The following BCL2L13 variants were observed in gnomAD, a reference collection of about 807,000 sequenced individuals.
BCL2L13 encodes the protein BCL2 like 13.
Under a neutral mutation model 25.8 loss-of-function variants are expected in BCL2L13, and 13 were observed. The ratio of observed to expected loss-of-function variants is 0.50; its 90% confidence interval spans 0.33 to 0.80. The LOEUF is 0.80. Among genes scored for constraint, BCL2L13 ranks in the 30% least tolerant of loss-of-function variants. The probability of loss-of-function intolerance (pLI) is 0.02; values close to 1 mark genes in which losing one functional copy is unlikely to be tolerated. For missense variants in BCL2L13, 504 were observed against 574.9 expected, an observed-to-expected ratio of 0.88 and a Z score of 1.26; for synonymous variants, 244 against 230.3, an observed-to-expected ratio of 1.06 and a Z score of -0.54.
intron 6 of BCL2L13, among the ~76,000 whole-genome samples, chr22:17,714,598 G>C (rs531037965): frequency 6.6e-6 from 1 of 152,148 alleles, no homozygotes; most frequent in Non-Finnish European, 1.5e-5. Flanking sequence ...AGCTTGGGGG[G>C]ACCATGACTC....
At chr22:17,639,765 C>T (rs1180080082) in intron 1 of BCL2L13, among the ~76,000 whole-genome samples, 1 of 152,098 alleles carries the variant, frequency 6.6e-6, no homozygotes, top group Admixed American at 6.6e-5. Context: ...ATAAGATTTC[C>T]TCTGGAGGTT....
At chr22:17,688,633 A>G (rs557197935) in intron 3 of BCL2L13, among the ~76,000 whole-genome samples, 129 of 152,334 alleles carry the variant, frequency 8.5e-4, no homozygotes, top group African/African-American at 2.9e-3. Context: ...TGACCTATCA[A>G]TGTTTACGTG....
chr22:17,631,708 T>TATATATA (rs55903424), intron 1 of BCL2L13, among the ~76,000 whole-genome samples: 2 of 9,566 alleles, frequency 2.1e-4, no homozygotes, highest in African/African-American at 3.5e-4. Flanking sequence ...ATATATATAT[T>TATATATA]TTTTTTTTTT....
At chr22:17,707,787 T>A (rs1003524291) in intron 6 of BCL2L13, among the ~76,000 whole-genome samples, 5 of 152,104 alleles carry the variant, frequency 3.3e-5, no homozygotes, top group African/African-American at 7.2e-5. Flanking sequence ...ATGGAAAAGT[T>A]AAGTTCATAG....
intron 1 of BCL2L13, among the ~76,000 whole-genome samples, chr22:17,651,388 TA>T (rs201792432): frequency 0.037 from 5,607 of 151,638 alleles, 154 homozygotes; most frequent in African/African-American, 0.064. Flanking sequence ...TTTATTTATT[TA>T]TTTATTTATT....
intron 3 of BCL2L13, chr22:17,684,461 G>A: frequency 2.4e-6 from 1 of 409,354 alleles, no homozygotes; most frequent in South Asian, 1.8e-5. Context: ...CTAGCCCCAG[G>A]CCCCAACCCC....
At chr22:17,674,619 A>G (rs1054161458) in intron 2 of BCL2L13, among the ~76,000 whole-genome samples, 17 of 146,552 alleles carry the variant, frequency 1.2e-4, no homozygotes, top group African/African-American at 2.6e-4. Flanking sequence ...AAAAAAAAAA[A>G]AAAGAAAGAA....
chr22:17,695,999 C>T (rs1363122883), intron 4 of BCL2L13, 142 bp from the exon 5 acceptor site: 5 of 524,338 alleles, frequency 9.5e-6, no homozygotes, highest in Non-Finnish European at 1.4e-5. Context: ...TGTGAAAAGC[C>T]ACGTCTTGTA....
chr22:17,667,927 T>C (rs2059284748), intron 2 of BCL2L13, among the ~76,000 whole-genome samples: 1 of 150,580 alleles, frequency 6.6e-6, no homozygotes, highest in East Asian at 2.0e-4. Context: ...TCCTTTGACA[T>C]ACAAACATTT....
chr22:17,669,942 ATTC>A (rs931222728), intron 2 of BCL2L13, among the ~76,000 whole-genome samples: 2 of 152,198 alleles, frequency 1.3e-5, no homozygotes, highest in African/African-American at 4.8e-5. Flanking sequence ...AGTTTCAGGT[ATTC>A]TTTCATAAAC....
chr22:17,670,076 T>TGCGCCCGGCTTAC (rs2059367825), intron 2 of BCL2L13, among the ~76,000 whole-genome samples: 1 of 152,172 alleles, frequency 6.6e-6, no homozygotes. Context: ...CAATTGACCA[T>TGCGCCCGGCTTAC]ATATGTATGG....
chr22:17,650,545 A>G (rs2058649483), intron 1 of BCL2L13, among the ~76,000 whole-genome samples: 1 of 152,138 alleles, frequency 6.6e-6, no homozygotes, highest in Non-Finnish European at 1.5e-5. Context: ...ACTGCTGCAA[A>G]GAAGACTGAA....
chr22:17,700,956 T>C (rs1241985514), intron 5 of BCL2L13, among the ~76,000 whole-genome samples: 2 of 152,236 alleles, frequency 1.3e-5, no homozygotes, highest in East Asian at 1.9e-4. Flanking sequence ...GTTATTTCCT[T>C]GGCAGTCTAC....
chr22:17,648,491 A>G (rs2146448784), intron 1 of BCL2L13, among the ~76,000 whole-genome samples: 1 of 152,102 alleles, frequency 6.6e-6, no homozygotes, highest in East Asian at 1.9e-4. Context: ...TGGGGCCTGG[A>G]GTTTGACACC....
intron 5 of BCL2L13, among the ~76,000 whole-genome samples, chr22:17,698,553 T>C (rs1280007775): frequency 1.5e-4 from 8 of 51,720 alleles, no homozygotes; most frequent in African/African-American, 5.0e-4. Context: ...AGACCCTGTC[T>C]CTTAAAAAAA....
At position 17,643,507 on chromosome 22, in the gene BCL2L13, T is replaced by C. The variant is rs149757196; in HGVS notation, c.-51+4621T>C. On this transcript the variant is annotated intron_variant, in intron 1 of 6. Coordinates refer to ENST00000317582, the MANE Select transcript of BCL2L13 (RefSeq NM_015367.4). ...GATTAGAAAATAGCTTTGGACTCCATGTTAACTTGTGGAACTTAAAAAAAA... is the reference window on the plus strand; with the variant it reads ...GATTAGAAAATAGCTTTGGACTCCACGTTAACTTGTGGAACTTAAAAAAAA... Among the ~76,000 whole-genome samples, 265 of 152,302 alleles carry C rather than the reference T, an allele frequency of 1.7e-3. 3 individuals are homozygous for C. Among genetic ancestry groups the C allele is most frequent in the African/African-American group, 5.9e-3 (244 of 41,568 alleles).
intron 1 of BCL2L13, among the ~76,000 whole-genome samples, chr22:17,646,891 TG>T (rs2058495731): frequency 2.9e-4 from 1 of 3,500 alleles, no homozygotes; most frequent in Non-Finnish European, 5.5e-4. Context: ...AGCTAATTTG[TG>T]TGTGTGTGTG....
At chr22:17,661,916 G>T (rs563267955) in intron 2 of BCL2L13, among the ~76,000 whole-genome samples, 5 of 151,738 alleles carry the variant, frequency 3.3e-5, no homozygotes, top group African/African-American at 1.2e-4. Context: ...TCTTGAACCC[G>T]GGAGGTGGAG....
chr22:17,726,571 T>C, intron 6 of BCL2L13, 106 bp from the exon 7 acceptor site: 1 of 1,317,570 alleles, frequency 7.6e-7, no homozygotes, highest in Non-Finnish European at 1.0e-6. Context: ...TAAACAGTGT[T>C]TCATTCCTAG....
Sources: gnomAD v4.1 joint callset for allele counts (sites outside exome capture counted in the v4.1 genomes callset) on GRCh38, gnomAD v4.1.1 for gene constraint, MANE v1.5 for transcripts, NCBI Gene and HGNC (gene_info 2026-07-23, HGNC 2026-07-21) for gene names.